The following PKIB variants were observed in gnomAD, a reference collection of about 807,000 sequenced individuals.
PKIB encodes the protein PKI-beta.
PKIB carries 2 observed loss-of-function variants against 4.5 expected under a neutral mutation model. The ratio of observed to expected loss-of-function variants is 0.44; its 90% CI spans 0.18 to 1.39. PKIB has a LOEUF of 1.39. Ranked by LOEUF, PKIB falls within the 40% of genes most tolerant of loss-of-function variation. PKIB has a pLI of 0.27. For synonymous variants in PKIB, 38 were observed against 36.0 expected, an observed-to-expected ratio of 1.06 and a Z score of -0.20; for missense variants, 94 against 92.6, an observed-to-expected ratio of 1.02 and a Z score of -0.06.
chr6:122,699,297 A>G (rs1778702567), intron 3 of PKIB, among the ~76,000 whole-genome samples: 1 of 142,072 alleles, frequency 7.0e-6, no homozygotes, highest in Non-Finnish European at 1.5e-5. Flanking sequence ...ATATATATAT[A>G]TATTGTGTCT....
At position 122,603,043 on chromosome 6, in the gene PKIB, A is replaced by G. The variant is rs116686912; in HGVS notation, c.-161+17036A>G. Among the ~76,000 whole-genome samples the G allele has an allele frequency of 2.6e-3, 402 of 151,926 alleles. 5 individuals are homozygous for G. The highest frequency in any genetic ancestry group is 9.2e-3 in the African/African-American group (383 of 41,466). Reference sequence around the variant, plus strand: ...TAAAAGAGGCTAACTTTTAAGTCCAATTCCCCAGGAACATCTCAAAAGCTT... The same window carrying G: ...TAAAAGAGGCTAACTTTTAAGTCCAGTTCCCCAGGAACATCTCAAAAGCTT... On this transcript the variant is annotated intron_variant, in intron 3 of 6. Coordinates refer to the PKIB transcript ENST00000392491.
chr6:122,479,684 C>T (rs578190037), intron 2 of PKIB: 1 of 152,220 alleles, frequency 6.6e-6, no homozygotes, highest in African/African-American at 2.4e-5. Context: ...AAAGATTTTC[C>T]TTTGGCGAGC....
intron 2 of PKIB, among the ~76,000 whole-genome samples, chr6:122,652,253 A>G (rs1357574068): frequency 6.6e-6 from 1 of 151,760 alleles, no homozygotes; most frequent in Non-Finnish European, 1.5e-5. Flanking sequence ...GTATGTATAT[A>G]CATACCTATA....
chr6:122,579,884 G>A (rs941257342), intron 2 of PKIB, among the ~76,000 whole-genome samples: 3 of 152,048 alleles, frequency 2.0e-5, no homozygotes, highest in Non-Finnish European at 4.4e-5. Context: ...AACACAGCTG[G>A]TTTCTTCTCA....
chr6:122,659,106 A>G (rs550454155), intron 2 of PKIB, among the ~76,000 whole-genome samples: 2 of 152,286 alleles, frequency 1.3e-5, no homozygotes, highest in South Asian at 2.1e-4. Context: ...ATATTTTTAC[A>G]TGGAAATGAA....
chr6:122,501,008 A>G (rs1776215947), intron 2 of PKIB, among the ~76,000 whole-genome samples: 1 of 152,072 alleles, frequency 6.6e-6, no homozygotes, highest in Non-Finnish European at 1.5e-5. Context: ...ACCCCCCACC[A>G]GGACCCTCTC....
At chr6:122,618,988 G>A (rs1056057589) in intron 1 of PKIB, among the ~76,000 whole-genome samples, 4 of 152,050 alleles carry the variant, frequency 2.6e-5, no homozygotes, top group African/African-American at 9.7e-5. Context: ...AAATCAGTGG[G>A]AAAATATAGC....
intron 2 of PKIB, among the ~76,000 whole-genome samples, chr6:122,558,542 T>A (rs917622693): frequency 6.6e-6 from 1 of 152,220 alleles, no homozygotes; most frequent in Non-Finnish European, 1.5e-5. Flanking sequence ...ATTGTCAAGA[T>A]GTTTGATAAG....
intron 2 of PKIB, among the ~76,000 whole-genome samples, chr6:122,514,192 T>C (rs977332720): frequency 7.2e-5 from 11 of 152,358 alleles, no homozygotes; most frequent in African/African-American, 2.2e-4. Context: ...GCTTGCCTTT[T>C]TTTGGCTTTG....
chr6:122,513,700 G>C (rs764109375), intron 2 of PKIB, among the ~76,000 whole-genome samples: 23 of 152,112 alleles, frequency 1.5e-4, no homozygotes, highest in Non-Finnish European at 2.1e-4. Flanking sequence ...TCAATGTTTA[G>C]CTTCCAATTA....
At chr6:122,618,520 T>C (rs1384215080) in intron 1 of PKIB, among the ~76,000 whole-genome samples, 1 of 152,030 alleles carries the variant, frequency 6.6e-6, no homozygotes, top group Admixed American at 6.5e-5. Context: ...TCAGAATAGT[T>C]TTAAGAAAAA....
At chr6:122,525,180 A>C (rs553853568) in intron 2 of PKIB, among the ~76,000 whole-genome samples, 6 of 152,064 alleles carry the variant, frequency 3.9e-5, no homozygotes, top group Non-Finnish European at 7.4e-5. Flanking sequence ...GTATTATATA[A>C]TTTCCTTTGT....
chr6:122,654,266 T>G (rs1205163098), intron 2 of PKIB, among the ~76,000 whole-genome samples: 13 of 152,200 alleles, frequency 8.5e-5, no homozygotes. Flanking sequence ...AAAGACAATG[T>G]AGATAATTCA....
rs559332988 is a variant in PKIB, at chr6:122,506,073, CT to C, written c.-248+28142del. ...ATAAATCTTTTTGTTTTGGTAAACA[CT>C]TTTTTTTAACATTTTTGTGACCATA... On this transcript the variant is annotated intron_variant, in intron 2 of 6. Coordinates refer to the PKIB transcript ENST00000392491. Among the ~76,000 whole-genome samples, 3 of 151,752 alleles carry C rather than the reference CT, an allele frequency of 2.0e-5. No homozygotes were observed. The South Asian group carries it at 6.2e-4, about 32-fold the overall frequency.
chr6:122,523,187 AATT>A (rs972714504), intron 2 of PKIB, among the ~76,000 whole-genome samples: 4 of 152,094 alleles, frequency 2.6e-5, no homozygotes, highest in Admixed American at 6.6e-5. Context: ...TGTTTTTTAA[AATT>A]ATTATTATTA....
At chr6:122,538,493 A>G (rs538751310) in intron 2 of PKIB, among the ~76,000 whole-genome samples, 61 of 152,042 alleles carry the variant, frequency 4.0e-4, no homozygotes, top group Non-Finnish European at 3.2e-4. Context: ...GGTTGTAGAT[A>G]CGTGGCATTA....
At chr6:122,597,740 C>A (rs115870299) in intron 3 of PKIB, among the ~76,000 whole-genome samples, 1 of 152,296 alleles carries the variant, frequency 6.6e-6, no homozygotes, top group African/African-American at 2.4e-5. Context: ...CACCATGTAG[C>A]CTTCCCTCAC....
At chr6:122,519,847 T>A (rs942496327) in intron 2 of PKIB, among the ~76,000 whole-genome samples, 1 of 152,206 alleles carries the variant, frequency 6.6e-6, no homozygotes, top group African/African-American at 2.4e-5. Context: ...ATCCCAATCC[T>A]AGATGGAAAC....
intron 2 of PKIB, among the ~76,000 whole-genome samples, chr6:122,655,647 A>G (rs1169333228): frequency 6.6e-6 from 1 of 152,208 alleles, no homozygotes; most frequent in Non-Finnish European, 1.5e-5. Flanking sequence ...TCATGGAGGT[A>G]ACAGTCTAGT....
Sources: gnomAD v4.1 joint callset for allele counts (sites outside exome capture counted in the v4.1 genomes callset) on GRCh38, gnomAD v4.1.1 for gene constraint, MANE v1.5 for transcripts, NCBI Gene and HGNC (gene_info 2026-07-23, HGNC 2026-07-21) for gene names.